The following LURAP1L variants were observed in gnomAD, a reference collection of about 807,000 sequenced individuals.
LURAP1L encodes leucine rich adaptor protein 1-like.
Under a neutral mutation model 13.8 loss-of-function variants are expected in LURAP1L, and 12 were observed. The observed-to-expected ratio is 0.87, with a 90% CI of 0.56 to 1.41. The LOEUF is 1.41. Among genes scored for constraint, LURAP1L ranks in the 40% most tolerant of loss-of-function variants. The pLI, the probability that LURAP1L is intolerant of heterozygous loss-of-function variation, is 0.00. For synonymous variants in LURAP1L, 139 were observed against 119.2 expected, an observed-to-expected ratio of 1.17 and a Z score of -1.08; for missense variants, 375 against 292.9, an observed-to-expected ratio of 1.28 and a Z score of -2.04.
intron 1 of LURAP1L, among the ~76,000 whole-genome samples, chr9:12,793,636 T>C (rs1819474122): frequency 6.6e-6 from 1 of 152,090 alleles, no homozygotes; most frequent in Non-Finnish European, 1.5e-5. Context: ...CTTATGGGGA[T>C]TCATACATGA....
intron 1 of LURAP1L, among the ~76,000 whole-genome samples, chr9:12,784,831 AG>A (rs1398453141): frequency 1.3e-5 from 2 of 150,952 alleles, no homozygotes; most frequent in Non-Finnish European, 3.0e-5. Flanking sequence ...TCTGGGAGGG[AG>A]GGTCTGGAGT....
chr9:12,775,373 T>C lies in LURAP1L; in HGVS notation c.-343T>C, dbSNP rs1819152851. 3 of 259,864 alleles carry C rather than the reference T, an allele frequency of 1.2e-5. No homozygotes were observed. Among genetic ancestry groups the C allele is most frequent in the Middle Eastern group, 2.3e-3 (2 of 888 alleles). 16.1% of individuals were successfully genotyped at this position (259,864 alleles called of 1,614,324 possible). A position where few individuals can be genotyped will look rare whatever the true frequency, so the allele number is the denominator to read the frequency against. On this transcript the variant is annotated 5_prime_UTR_variant, in exon 1 of 2. Coordinates refer to ENST00000319264, the MANE Select transcript of LURAP1L (RefSeq NM_203403.2). ...AAACAGATTTAATTTCCCTCTCTTT[T>C]CTTTCACTACTTCCCCCTCTTTATT...
intron 1 of LURAP1L, among the ~76,000 whole-genome samples, chr9:12,784,976 A>G (rs1233177486): frequency 6.6e-6 from 1 of 151,618 alleles, no homozygotes; most frequent in Non-Finnish European, 1.5e-5. Context: ...AAGCAGAAGG[A>G]GTTTCTCCTC....
intron 1 of LURAP1L, among the ~76,000 whole-genome samples, chr9:12,803,612 C>T (rs1049653222): frequency 3.3e-5 from 5 of 152,110 alleles, no homozygotes; most frequent in African/African-American, 1.2e-4. Context: ...GGAGAGCAAA[C>T]TCTCACATGT....
chr9:12,803,326 T>C (rs1388388301), intron 1 of LURAP1L, among the ~76,000 whole-genome samples: 1 of 152,242 alleles, frequency 6.6e-6, no homozygotes, highest in African/African-American at 2.4e-5. Context: ...CTCAATATTC[T>C]TATCTAACAG....
chr9:12,797,426 A>C (rs1819524560), intron 1 of LURAP1L, among the ~76,000 whole-genome samples: 1 of 152,154 alleles, frequency 6.6e-6, no homozygotes, highest in African/African-American at 2.4e-5. Flanking sequence ...CTGTCTAAAA[A>C]CTTATATTTC....
intron 1 of LURAP1L, among the ~76,000 whole-genome samples, chr9:12,813,382 C>T (rs1250549687): frequency 6.6e-6 from 1 of 152,054 alleles, no homozygotes; most frequent in East Asian, 1.9e-4. Context: ...TTTAAAACAT[C>T]TATTTTATTC....
intron 1 of LURAP1L, among the ~76,000 whole-genome samples, chr9:12,820,514 CAAAA>C (rs1160341281): frequency 7.4e-4 from 31 of 41,728 alleles, no homozygotes; most frequent in African/African-American, 2.3e-3. Context: ...CCCCCCCCCC[CAAAA>C]AAAAAAAAGG....
At chr9:12,818,576 A>G (rs1376715830) in intron 1 of LURAP1L, among the ~76,000 whole-genome samples, 1 of 152,214 alleles carries the variant, frequency 6.6e-6, no homozygotes, top group Non-Finnish European at 1.5e-5. Context: ...AAGTTAAGCT[A>G]TGTTAGGAGA....
At chr9:12,794,789 C>T (rs550186067) in intron 1 of LURAP1L, among the ~76,000 whole-genome samples, 1 of 151,820 alleles carries the variant, frequency 6.6e-6, no homozygotes, top group African/African-American at 2.4e-5. Flanking sequence ...CCCATCTCTG[C>T]TTGTAGAAGT....
intron 1 of LURAP1L, among the ~76,000 whole-genome samples, chr9:12,805,548 TTTTC>T (rs1324472244): frequency 6.6e-6 from 1 of 152,124 alleles, no homozygotes; most frequent in African/African-American, 2.4e-5. Context: ...AAAATGAATG[TTTTC>T]TTTATGGATT....
At chr9:12,790,742 G>A (rs1819429611) in intron 1 of LURAP1L, 1 of 148,884 alleles carries the variant, frequency 6.7e-6, no homozygotes, top group African/African-American at 2.5e-5. Context: ...ATGAAAGGCA[G>A]TAGTTTTTTT....
chr9:12,790,467 A>G (rs575324159), intron 1 of LURAP1L, among the ~76,000 whole-genome samples: 3 of 152,298 alleles, frequency 2.0e-5, no homozygotes, highest in African/African-American at 7.2e-5. Flanking sequence ...TAGAAACCCA[A>G]TGCCTCCTCT....
At position 12,821,459 on chromosome 9, in the gene LURAP1L, A is replaced by T; in HGVS notation, c.386A>T (p.Lys129Met). The change falls in exon 2 of 2, where the codon AAG becomes ATG. Residue 129 changes from lysine to methionine, a missense_variant. By Grantham distance (95) the Lys-to-Met change is moderately conservative. Coordinates refer to ENST00000319264, the MANE Select transcript of LURAP1L (RefSeq NM_203403.2). ...ATCAATGAGAGCATCGAGTCCATCA[A>T]GTGGATGATCGAAGAAAAAGCCACC... ...LVINESIESI[K>M]WMIEEKATIT... is the part of the protein sequence containing the mutation. 1 of 1,614,106 alleles carries T rather than the reference A, an allele frequency of 6.2e-7. No homozygotes were observed. The highest frequency in any genetic ancestry group is 1.1e-5 in the South Asian group (1 of 91,082).
At position 12,822,787 on chromosome 9, in the gene LURAP1L, T is replaced by C. The variant is rs1354597158; in HGVS notation, c.*1027T>C. On this transcript the variant is annotated 3_prime_UTR_variant, in exon 2 of 2. Transcript: ENST00000319264. ...GCACATAGACAGTGGATATTTACTT[T>C]AAATATAATGTTATTAATCCTCTGC... 6.6e-6 allele frequency among the ~76,000 whole-genome samples: 1 copy of C among 152,196 alleles called. No homozygotes were observed. The highest frequency in any genetic ancestry group is 2.4e-5 in the African/African-American group (1 of 41,456).
intron 1 of LURAP1L, among the ~76,000 whole-genome samples, chr9:12,783,603 C>T (rs897418391): frequency 6.6e-6 from 1 of 152,068 alleles, no homozygotes; most frequent in Non-Finnish European, 1.5e-5. Context: ...ATTAGGTTCA[C>T]TATTATTTTG....
intron 1 of LURAP1L, chr9:12,777,504 C>T (rs1819204889): frequency 1.0e-6 from 1 of 984,054 alleles, no homozygotes; most frequent in African/African-American, 1.7e-5. Flanking sequence ...TATTCCTAAC[C>T]ATGTCTTCTG....
chr9:12,816,680 T>C (rs1367741503), intron 1 of LURAP1L, among the ~76,000 whole-genome samples: 2 of 152,200 alleles, frequency 1.3e-5, no homozygotes, highest in African/African-American at 2.4e-5. Context: ...AGTTCTACCA[T>C]AGACTCAGTT....
intron 1 of LURAP1L, among the ~76,000 whole-genome samples, chr9:12,776,593 G>C (rs1056640350): frequency 3.3e-5 from 5 of 151,972 alleles, no homozygotes; most frequent in Non-Finnish European, 7.4e-5. Flanking sequence ...GGCCACTGTC[G>C]AGCAGATTCT....
Sources: gnomAD v4.1 joint callset for allele counts (sites outside exome capture counted in the v4.1 genomes callset) on GRCh38, gnomAD v4.1.1 for gene constraint, MANE v1.5 for transcripts, NCBI Gene and HGNC (gene_info 2026-07-23, HGNC 2026-07-21) for gene names.